Variants in FBXL7 observed in about 807,000 individuals in gnomAD.
The protein encoded by FBXL7 is F-box and leucine rich repeat protein 7.
In FBXL7, 12 loss-of-function variants were observed where a neutral mutation model predicts 38.3. That is an observed-to-expected ratio of 0.31 (90% CI 0.20 to 0.51). The LOEUF (loss-of-function observed/expected upper bound fraction) is 0.51. FBXL7 is among the 20% of genes least tolerant of loss of function. FBXL7 has a pLI of 0.98. For missense variants in FBXL7, 567 were observed against 676.4 expected, an observed-to-expected ratio of 0.84 and a Z score of 1.79; for synonymous variants, 297 against 300.9, an observed-to-expected ratio of 0.99 and a Z score of 0.13.
At chr5:15,670,184 A>G (rs772728868) in intron 2 of FBXL7, among the ~76,000 whole-genome samples, 17 of 152,226 alleles carry the variant, frequency 1.1e-4, no homozygotes, top group Non-Finnish European at 1.8e-4. Flanking sequence ...AGAGCAATCA[A>G]CTGCAACAGA....
At chr5:15,880,226 A>C (rs1451298086) in intron 2 of FBXL7, among the ~76,000 whole-genome samples, 2 of 152,152 alleles carry the variant, frequency 1.3e-5, no homozygotes, top group African/African-American at 4.8e-5. Context: ...TCTCATGTTT[A>C]GCTTGCATTC....
chr5:15,543,258 C>T (rs368983145), intron 1 of FBXL7, among the ~76,000 whole-genome samples: 15 of 152,132 alleles, frequency 9.9e-5, no homozygotes, highest in Non-Finnish European at 1.9e-4. Context: ...AGCAAAGGTA[C>T]GTCTTACATG....
intron 2 of FBXL7, among the ~76,000 whole-genome samples, chr5:15,685,368 C>T (rs1045798733): frequency 3.3e-5 from 5 of 152,144 alleles, no homozygotes; most frequent in Non-Finnish European, 7.3e-5. Flanking sequence ...ACTGCAGTTA[C>T]TCCAGTGGAA....
intron 2 of FBXL7, among the ~76,000 whole-genome samples, chr5:15,792,268 C>G (rs1224326437): frequency 6.6e-6 from 1 of 152,146 alleles, no homozygotes. Context: ...TAAGAGGAAG[C>G]AGAAACGAGG....
intron 2 of FBXL7, among the ~76,000 whole-genome samples, chr5:15,835,235 A>C (rs764465615): frequency 2.0e-4 from 31 of 152,192 alleles, no homozygotes; most frequent in Non-Finnish European, 3.2e-4. Context: ...TTTTGAACTG[A>C]GGAAAGAAAT....
At position 15,616,028 on chromosome 5, in the gene FBXL7, A is replaced by G. The variant is rs371800338; in HGVS notation, c.83A>G (p.Asp28Gly). ...TCATCTGACGTGAGTTCAAGTACAG[A>G]TCACACGCCCACTAAAGCCCAGAAG... ...SISSDVSSST[D>G]HTPTKAQKNV... Residue 28 changes from aspartate to glycine, a missense_variant, in exon 2 of 4, where the codon GAT (aspartate) becomes GGT (glycine). Physicochemically the swap from Asp to Gly is moderately conservative, Grantham distance 94. Coordinates refer to ENST00000504595, the MANE Select transcript of FBXL7 (RefSeq NM_012304.5). 3.1e-6 allele frequency: 5 copies of G among 1,613,518 alleles called. No homozygotes were observed. The African/African-American group carries it at 5.3e-5, about 17-fold the overall frequency.
At chr5:15,568,540 G>A (rs1738663882) in intron 1 of FBXL7, among the ~76,000 whole-genome samples, 2 of 151,568 alleles carry the variant, frequency 1.3e-5, no homozygotes, top group South Asian at 2.1e-4. Context: ...TTTGTAGGTT[G>A]CCTGTTCACT....
chr5:15,614,584 A>G (rs1044726965), intron 1 of FBXL7, among the ~76,000 whole-genome samples: 11 of 152,148 alleles, frequency 7.2e-5, no homozygotes, highest in African/African-American at 2.7e-4. Flanking sequence ...GTAGTTTTCT[A>G]TTGCTGAGTA....
At chr5:15,582,069 C>T (rs1296416105) in intron 1 of FBXL7, among the ~76,000 whole-genome samples, 9 of 152,170 alleles carry the variant, frequency 5.9e-5, no homozygotes, top group South Asian at 4.1e-4. Context: ...TCCCAAGTAG[C>T]TGGGATTACA....
intron 2 of FBXL7, among the ~76,000 whole-genome samples, chr5:15,664,213 T>A (rs1742194344): frequency 6.6e-6 from 1 of 152,166 alleles, no homozygotes; most frequent in South Asian, 2.1e-4. Context: ...TATAAGATTT[T>A]ACCTTATAGC....
intron 2 of FBXL7, among the ~76,000 whole-genome samples, chr5:15,851,997 C>G (rs1434079932): frequency 6.6e-6 from 1 of 152,066 alleles, no homozygotes; most frequent in Admixed American, 6.6e-5. Context: ...AACCTCCAAG[C>G]AGGAACAACC....
intron 2 of FBXL7, among the ~76,000 whole-genome samples, chr5:15,912,877 A>T (rs980033576): frequency 6.6e-6 from 1 of 152,166 alleles, no homozygotes; most frequent in African/African-American, 2.4e-5. Context: ...CTTAGACTGT[A>T]GTAGGCCCAG....
At chr5:15,710,774 TAAAAC>T (rs1212338258) in intron 2 of FBXL7, among the ~76,000 whole-genome samples, 1 of 152,164 alleles carries the variant, frequency 6.6e-6, no homozygotes, top group African/African-American at 2.4e-5. Flanking sequence ...CTGGGTGGCT[TAAAAC>T]AAAGAAATTT....
intron 2 of FBXL7, among the ~76,000 whole-genome samples, chr5:15,662,143 C>A (rs1742100302): frequency 6.6e-6 from 1 of 152,308 alleles, no homozygotes; most frequent in East Asian, 1.9e-4. Flanking sequence ...CCCACCCCAA[C>A]AGTGTATAAG....
intron 2 of FBXL7, among the ~76,000 whole-genome samples, chr5:15,769,492 T>A (rs1443749277): frequency 1.3e-5 from 2 of 152,212 alleles, no homozygotes; most frequent in Admixed American, 6.5e-5. Context: ...TTAGTCCCCA[T>A]GCAAATGACT....
At chr5:15,757,650 A>C (rs751456183) in intron 2 of FBXL7, among the ~76,000 whole-genome samples, 2 of 152,128 alleles carry the variant, frequency 1.3e-5, no homozygotes, top group Non-Finnish European at 2.9e-5. Context: ...TCTGTCATCC[A>C]GTAGCTGCAG....
intron 2 of FBXL7, among the ~76,000 whole-genome samples, chr5:15,746,107 A>C (rs1736007948): frequency 6.6e-6 from 1 of 152,124 alleles, no homozygotes; most frequent in African/African-American, 2.4e-5. Flanking sequence ...AGTGTGGTAG[A>C]ATGATACTAG....
At chr5:15,633,771 ATTATTATT>A (rs1285643091) in intron 2 of FBXL7, among the ~76,000 whole-genome samples, 35 of 115,070 alleles carry the variant, frequency 3.0e-4, no homozygotes, top group Non-Finnish European at 4.4e-4. Context: ...TATTATTATT[ATTATTATT>A]TTATTATTTT....
chr5:15,900,697 T>C (rs187116740), intron 2 of FBXL7, among the ~76,000 whole-genome samples: 1 of 152,196 alleles, frequency 6.6e-6, no homozygotes, highest in Admixed American at 6.5e-5. Context: ...TCAATAAAAC[T>C]AAAAATGATG....
Sources: allele counts gnomAD v4.1 joint callset (sites outside exome capture counted in the v4.1 genomes callset), GRCh38; gene constraint gnomAD v4.1.1; transcripts MANE v1.5; gene names NCBI Gene and HGNC (gene_info 2026-07-23, HGNC 2026-07-21).